POLK: variants seen among roughly 807,000 people sequenced by gnomAD.
The protein encoded by POLK is DNA polymerase kappa.
Under a neutral mutation model 94.0 loss-of-function variants are expected in POLK, and 76 were observed. The ratio of observed to expected loss-of-function variants is 0.81; its 90% CI spans 0.67 to 0.98. The LOEUF is 0.98. Among genes scored for constraint, POLK ranks in the 50% least tolerant of loss-of-function variants. POLK has a pLI of 0.00. For synonymous variants in POLK, 349 were observed against 325.4 expected, an observed-to-expected ratio of 1.07 and a Z score of -0.78; for missense variants, 954 against 1,010.1, an observed-to-expected ratio of 0.94 and a Z score of 0.75.
rs140253406 is a variant in POLK, at chr5:75,562,784, T to C, written c.256-6556T>C. ...TGAGATAATCATGTAGTTTTTGTCA[T>C]TGGTTCTGTTTATGTGATGGATTAC... is the stretch of plus-strand genomic sequence containing the variant. On this transcript the variant is annotated intron_variant, in intron 3 of 14. Coordinates refer to ENST00000241436, the Ensembl canonical transcript of POLK. Among the ~76,000 whole-genome samples the C allele has an allele frequency of 8.5e-4, 130 of 152,372 alleles. 1 individual carries two copies. In the East Asian group the frequency reaches 0.022, roughly 26 times the overall value.
In POLK at chr5:75,585,000, G is replaced by A. The variant is rs943626466; in HGVS notation, c.1226+74G>A. 4.8e-5 allele frequency: 43 copies of A among 891,394 alleles called. No individual in the cohort carries two copies. In the Admixed American group the frequency reaches 1.0e-3, roughly 21 times the overall value. 55.2% of individuals were successfully genotyped at this position (891,394 alleles called of 1,614,324 possible). A position where few individuals can be genotyped will look rare whatever the true frequency, so the allele number is the denominator to read the frequency against. On this transcript the variant is annotated intron_variant, in intron 9 of 14. Coordinates refer to ENST00000241436, the Ensembl canonical transcript of POLK. ...TATCAGTTTTAACCATTGAGATGAG[G>A]CTATATGGATAACATGTTTTAAAAT...
chr5:75,573,817 A>G (rs111437162), exon 5 of POLK: 2 of 1,613,516 alleles, frequency 1.2e-6, no homozygotes, highest in African/African-American at 1.3e-5. Flanking sequence ...CTGTGCCCAC[A>G]ACTTATAATA....
upstream of POLK, chr5:75,510,983 T>C: frequency 7.8e-7 from 1 of 1,279,818 alleles, no homozygotes; most frequent in Non-Finnish European, 1.0e-6. Context: ...CCCTAGTCGC[T>C]GCAGCAACAC....
At chr5:75,581,371 T>C in exon 7 of POLK, 1 of 1,613,886 alleles carries the variant, frequency 6.2e-7, no homozygotes. Context: ...TCAGTTGTTT[T>C]TGGAACATCA....
chr5:75,601,048 A>G (rs1309863206), exon 15 of POLK: 2 of 152,086 alleles, frequency 1.3e-5, no homozygotes, highest in Non-Finnish European at 2.9e-5. Context: ...TGGTGATTGC[A>G]TGGATGTTCA....
intron 1 of POLK, among the ~76,000 whole-genome samples, chr5:75,516,363 G>C (rs1399899872): frequency 6.6e-6 from 1 of 152,046 alleles, no homozygotes; most frequent in Admixed American, 6.5e-5. Flanking sequence ...GCAGAGGATT[G>C]CTTGACCCCA....
intron 3 of POLK, among the ~76,000 whole-genome samples, chr5:75,563,981 GT>G (rs1210370205): frequency 6.6e-6 from 1 of 152,146 alleles, no homozygotes; most frequent in Non-Finnish European, 1.5e-5. Context: ...TCTGTCTAAT[GT>G]TGACAGTGGG....
chr5:75,516,360 ATTGC>A (rs1379549592), intron 1 of POLK, among the ~76,000 whole-genome samples: 8 of 152,088 alleles, frequency 5.3e-5, no homozygotes, highest in African/African-American at 1.9e-4. Flanking sequence ...GAGGCAGAGG[ATTGC>A]TTGACCCCAG....
intron 1 of POLK, 41 bp downstream of exon 1, chr5:75,511,955 T>C (rs1428743491): frequency 1.3e-6 from 1 of 786,734 alleles, no homozygotes; most frequent in Admixed American, 3.0e-5. Flanking sequence ...CCTTGGGGCC[T>C]TGTCAGTCGG....
At chr5:75,602,336 T>C (rs569106784), downstream of POLK, among the ~76,000 whole-genome samples, 1 of 152,312 alleles carries the variant, frequency 6.6e-6, no homozygotes, top group South Asian at 2.1e-4. Context: ...TAGCATAAAC[T>C]ATCTCGTCAA....
downstream of POLK, among the ~76,000 whole-genome samples, chr5:75,605,682 G>A (rs770216634): frequency 1.3e-5 from 2 of 152,138 alleles, no homozygotes; most frequent in African/African-American, 4.8e-5. Flanking sequence ...ATAGACTAAT[G>A]TATTTCATCA....
At chr5:75,586,132 A>G (rs568456575) in intron 9 of POLK, among the ~76,000 whole-genome samples, 23 of 152,270 alleles carry the variant, frequency 1.5e-4, no homozygotes, top group African/African-American at 5.5e-4. Context: ...GTAACATAAC[A>G]TATATTAACT....
At chr5:75,560,412 G>C (rs1054441215) in intron 3 of POLK, among the ~76,000 whole-genome samples, 8 of 152,110 alleles carry the variant, frequency 5.3e-5, no homozygotes, top group Admixed American at 2.0e-4. Flanking sequence ...TACAAATAAG[G>C]AAAGTAAGCA....
At chr5:75,587,170 T>A in intron 10 of POLK, 112 bp downstream of exon 10, 1 of 658,224 alleles carries the variant, frequency 1.5e-6, no homozygotes, top group Non-Finnish European at 2.6e-6. Flanking sequence ...TGCAAATTAC[T>A]ATAACAGTTT....
chr5:75,603,944 C>T (rs1773358766), downstream of POLK, among the ~76,000 whole-genome samples: 1 of 152,194 alleles, frequency 6.6e-6, no homozygotes, highest in South Asian at 2.1e-4. Flanking sequence ...GTTGGTTTCT[C>T]CCTACCAGAT....
intron 3 of POLK, among the ~76,000 whole-genome samples, chr5:75,566,161 A>G (rs1191482795): frequency 1.3e-5 from 2 of 152,170 alleles, no homozygotes; most frequent in Admixed American, 1.3e-4. Context: ...GTTTGTTTAC[A>G]CTGTGAGGGG....
chr5:75,598,005 T>C (rs1300921658), exon 15 of POLK: 2 of 1,301,148 alleles, frequency 1.5e-6, no homozygotes, highest in African/African-American at 1.5e-5. Context: ...ACCCTTGATA[T>C]ATTTTTTAAG....
the POLK span, among the ~76,000 whole-genome samples, chr5:75,607,320 T>G: frequency 6.6e-6 from 1 of 151,940 alleles, no homozygotes. Flanking sequence ...TACAAAAAAG[T>G]AGCTGGGCGT....
At chr5:75,600,018 A>G (rs535106939) in exon 15 of POLK, 5 of 152,176 alleles carry the variant, frequency 3.3e-5, no homozygotes, top group Non-Finnish European at 5.9e-5. Context: ...ATAAGCATGC[A>G]TAATCTCACC....
Sources: allele counts gnomAD v4.1 joint callset (sites outside exome capture counted in the v4.1 genomes callset), GRCh38; gene constraint gnomAD v4.1.1; transcripts MANE v1.5; gene names NCBI Gene and HGNC (gene_info 2026-07-23, HGNC 2026-07-21).